Variants in CCSER1 observed in about 807,000 individuals in gnomAD.
CCSER1 encodes coiled-coil serine rich protein 1.
A neutral mutation model predicts 82.0 loss-of-function variants in CCSER1; 41 were observed. That is an observed-to-expected ratio of 0.50 (90% CI 0.39 to 0.65). The LOEUF (loss-of-function observed/expected upper bound fraction) is 0.65, where lower values mean the gene tolerates loss of function less well. Ranked by LOEUF, CCSER1 falls within the 30% of genes least tolerant of loss-of-function variation. The probability of loss-of-function intolerance (pLI) is 0.00; values close to 1 mark genes in which losing one functional copy is unlikely to be tolerated. For synonymous variants in CCSER1, 414 were observed against 383.9 expected (o/e 1.08, Z -0.92); for missense variants, 1,119 against 1,064.2 (o/e 1.05, Z -0.72).
At chr4:90,665,619 C>T (rs1731628130) in intron 6 of CCSER1, among the ~76,000 whole-genome samples, 1 of 152,072 alleles carries the variant, frequency 6.6e-6, no homozygotes, top group Non-Finnish European at 1.5e-5. Context: ...GCGCCTCCGG[C>T]CATATGCTGA....
intron 9 of CCSER1, among the ~76,000 whole-genome samples, chr4:91,041,653 GA>G (rs1017250236): frequency 6.6e-6 from 1 of 150,548 alleles, no homozygotes. Flanking sequence ...CAAAGTAAAA[GA>G]AAAAAAAATG....
At chr4:90,431,475 T>A (rs1758269680) in intron 4 of CCSER1, among the ~76,000 whole-genome samples, 1 of 151,974 alleles carries the variant, frequency 6.6e-6, no homozygotes, top group African/African-American at 2.4e-5. Flanking sequence ...TACTGATAGT[T>A]CAAGAAATAA....
intron 10 of CCSER1, among the ~76,000 whole-genome samples, chr4:91,280,590 A>T (rs1391103608): frequency 1.3e-5 from 2 of 152,184 alleles, no homozygotes; most frequent in African/African-American, 2.4e-5. Flanking sequence ...AGCAGTGATT[A>T]CACTGTGGCT....
At chr4:91,249,201 G>A (rs1324795268) in intron 10 of CCSER1, among the ~76,000 whole-genome samples, 1 of 152,020 alleles carries the variant, frequency 6.6e-6, no homozygotes, top group African/African-American at 2.4e-5. Flanking sequence ...TTGAAGGCTT[G>A]ATTTGGTTCA....
intron 4 of CCSER1, among the ~76,000 whole-genome samples, chr4:90,460,254 G>A (rs898801290): frequency 1.4e-5 from 2 of 139,334 alleles, no homozygotes; most frequent in Non-Finnish European, 3.0e-5. Context: ...GAACCCGGGA[G>A]GCGGAGCTTG....
intron 6 of CCSER1, among the ~76,000 whole-genome samples, chr4:90,669,085 G>T (rs1732322594): frequency 6.6e-6 from 1 of 151,968 alleles, no homozygotes. Context: ...GAAATATTAA[G>T]TGGAAAAGTA....
chr4:90,530,306 T>C (rs1426723007), intron 5 of CCSER1, among the ~76,000 whole-genome samples: 2 of 152,162 alleles, frequency 1.3e-5, no homozygotes, highest in Non-Finnish European at 2.9e-5. Flanking sequence ...AGATTATTGG[T>C]GTCAATGAAA....
intron 10 of CCSER1, among the ~76,000 whole-genome samples, chr4:91,452,437 A>T (rs1026497754): frequency 3.3e-5 from 5 of 152,000 alleles, no homozygotes; most frequent in Non-Finnish European, 5.9e-5. Context: ...TGGGTACACT[A>T]CTTGTCATTT....
At chr4:90,724,124 G>T (rs1055049169) in intron 7 of CCSER1, 133 bp downstream of exon 7, 71 of 525,462 alleles carry the variant, frequency 1.4e-4, no homozygotes, top group Non-Finnish European at 2.1e-4. Flanking sequence ...TCTTAAAATC[G>T]TTTTTTTGTG....
At chr4:91,380,835 C>T (rs1214649791) in intron 10 of CCSER1, among the ~76,000 whole-genome samples, 1 of 152,042 alleles carries the variant, frequency 6.6e-6, no homozygotes, top group Admixed American at 6.6e-5. Flanking sequence ...CAGTTTCTTC[C>T]CAGCATGAAT....
chr4:90,479,372 A>G, intron 5 of CCSER1, among the ~76,000 whole-genome samples: 1 of 151,988 alleles, frequency 6.6e-6, no homozygotes, highest in South Asian at 2.1e-4. Context: ...TCATTTTACT[A>G]GCTATTTCTT....
At chr4:91,427,566 G>C (rs1031211654) in intron 10 of CCSER1, among the ~76,000 whole-genome samples, 1 of 152,030 alleles carries the variant, frequency 6.6e-6, no homozygotes. Context: ...GTAGGCAGAG[G>C]GCCAGCTTCA....
intron 10 of CCSER1, among the ~76,000 whole-genome samples, chr4:91,178,001 G>T (rs1733586040): frequency 6.6e-6 from 1 of 152,122 alleles, no homozygotes; most frequent in Non-Finnish European, 1.5e-5. Flanking sequence ...AGAGATTCTG[G>T]TATGTTGTGT....
intron 10 of CCSER1, among the ~76,000 whole-genome samples, chr4:91,354,689 G>T (rs1227177056): frequency 6.6e-6 from 1 of 152,160 alleles, no homozygotes; most frequent in Non-Finnish European, 1.5e-5. Context: ...TGTCAGGGTG[G>T]TTCTTTTGGG....
Position 91,600,171 on chromosome 4 carries a change from A to G in CCSER1, c.*1114A>G, listed in dbSNP as rs1302014625. The G allele has an allele frequency of 6.6e-6, 1 of 152,162 alleles. No individual in the cohort carries two copies. Among genetic ancestry groups the G allele is most frequent in the African/African-American group, 2.4e-5 (1 of 41,452 alleles). The allele number at this position is 152,162 out of a possible 1,614,324, so 9.4% of individuals were successfully genotyped here. A position where few individuals can be genotyped will look rare whatever the true frequency, so the allele number is the denominator to read the frequency against. Reference sequence around the variant, plus strand: ...AAATAAGCTTCTAACAGGAATATTTAAAACCCATTTGATGGCAAATATTTC... The same window carrying G: ...AAATAAGCTTCTAACAGGAATATTTGAAACCCATTTGATGGCAAATATTTC... On this transcript the variant is annotated 3_prime_UTR_variant, in exon 11 of 11. Transcript: ENST00000509176.
intron 3 of CCSER1, among the ~76,000 whole-genome samples, chr4:90,328,338 CTT>C (rs10716547): frequency 6.0e-5 from 9 of 150,326 alleles, no homozygotes; most frequent in African/African-American, 1.9e-4. Context: ...GGATTCTCTC[CTT>C]TTTTTTTTGA....
chr4:90,155,227 A>T (rs1257488282), intron 1 of CCSER1, among the ~76,000 whole-genome samples: 1 of 152,082 alleles, frequency 6.6e-6, no homozygotes, highest in Non-Finnish European at 1.5e-5. Flanking sequence ...CCAGGGATGA[A>T]CCCACTTGAT....
chr4:90,695,983 A>T (rs945680459), intron 6 of CCSER1, among the ~76,000 whole-genome samples: 6 of 152,118 alleles, frequency 3.9e-5, no homozygotes, highest in Admixed American at 1.3e-4. Flanking sequence ...TTAAATAAAA[A>T]TTTTTAATGA....
intron 10 of CCSER1, among the ~76,000 whole-genome samples, chr4:91,096,608 C>CT (rs937075962): frequency 7.9e-5 from 12 of 152,294 alleles, no homozygotes; most frequent in African/African-American, 2.9e-4. Context: ...TGATGGCTAA[C>CT]TTACCTCTAA....
Sources: allele counts gnomAD v4.1 joint callset (sites outside exome capture counted in the v4.1 genomes callset), GRCh38; gene constraint gnomAD v4.1.1; transcripts MANE v1.5; gene names NCBI Gene and HGNC (gene_info 2026-07-23, HGNC 2026-07-21).